Variants in SLCO5A1 observed in about 807,000 individuals in gnomAD.
The protein encoded by SLCO5A1 is organic anion transporter polypeptide-related protein 4.
In SLCO5A1, 39 loss-of-function variants were observed where a neutral mutation model predicts 65.1. The observed-to-expected ratio is 0.60, with a 90% CI of 0.46 to 0.78. The LOEUF (loss-of-function observed/expected upper bound fraction) is 0.78, where lower values mean the gene tolerates loss of function less well. SLCO5A1 is among the 30% of genes least tolerant of loss of function. The probability of loss-of-function intolerance (pLI) is 0.00; values close to 1 mark genes in which losing one functional copy is unlikely to be tolerated. For missense variants in SLCO5A1, 1,029 were observed against 1,069.4 expected (o/e 0.96, Z 0.53); for synonymous variants, 438 against 415.7 (o/e 1.05, Z -0.65).
At chr8:69,729,786 C>A (rs1435883660) in intron 5 of SLCO5A1, among the ~76,000 whole-genome samples, 1 of 152,052 alleles carries the variant, frequency 6.6e-6, no homozygotes, top group Non-Finnish European at 1.5e-5. Context: ...GTCTCCCGCC[C>A]CAGAAAGTTT....
At chr8:69,733,577 C>T (rs528488174) in intron 5 of SLCO5A1, among the ~76,000 whole-genome samples, 2 of 152,286 alleles carry the variant, frequency 1.3e-5, no homozygotes, top group Non-Finnish European at 2.9e-5. Flanking sequence ...TTGTAATCCC[C>T]GTAATCTCCA....
chr8:69,674,265 C>T (rs1563653361), intron 9 of SLCO5A1, among the ~76,000 whole-genome samples: 1 of 152,026 alleles, frequency 6.6e-6, no homozygotes, highest in Non-Finnish European at 1.5e-5. Context: ...CTTTGCATCC[C>T]AAAGACCTCA....
chr8:69,738,216 C>T lies in SLCO5A1; in HGVS notation c.1259-12G>A. The stretch of plus-strand genomic sequence containing the variant: ...TGCTCTTGGTAGGTCTACAAAATGA[C>T]AAAAATGACAAATGAATGTTATAAA... On this transcript the variant is annotated splice_polypyrimidine_tract_variant and intron_variant, in intron 4 of 9. Coordinates refer to ENST00000260126, the MANE Select transcript of SLCO5A1 (RefSeq NM_030958.3). The T allele has an allele frequency of 6.4e-7, 1 of 1,572,254 alleles. No homozygotes were observed. The highest frequency in any genetic ancestry group is 8.6e-7 in the Non-Finnish European group (1 of 1,156,202).
At chr8:69,766,815 T>A (rs1818079060) in intron 2 of SLCO5A1, among the ~76,000 whole-genome samples, 1 of 152,206 alleles carries the variant, frequency 6.6e-6, no homozygotes, top group East Asian at 1.9e-4. Context: ...GAGATGCTGG[T>A]CAGTGGTGCT....
chr8:69,814,450 C>A (rs1195038476), intron 2 of SLCO5A1, among the ~76,000 whole-genome samples: 1 of 151,890 alleles, frequency 6.6e-6, no homozygotes, highest in Admixed American at 6.6e-5. Context: ...TAGGGAAATG[C>A]AAATTAAAAC....
At chr8:69,821,449 GAGA>G (rs1163756092) in intron 2 of SLCO5A1, among the ~76,000 whole-genome samples, 1 of 151,142 alleles carries the variant, frequency 6.6e-6, no homozygotes, top group African/African-American at 2.4e-5. Context: ...GGAGGAGGAG[GAGA>G]AGGAGAGGGA....
chr8:69,738,473 C>T (rs1423348423), intron 4 of SLCO5A1, among the ~76,000 whole-genome samples: 1 of 151,720 alleles, frequency 6.6e-6, no homozygotes, highest in Admixed American at 6.6e-5. Context: ...ATAAGCAGTA[C>T]CCAACTGATA....
At chr8:69,788,188 A>C (rs1367276538) in intron 2 of SLCO5A1, among the ~76,000 whole-genome samples, 1 of 152,170 alleles carries the variant, frequency 6.6e-6, no homozygotes, top group Non-Finnish European at 1.5e-5. Flanking sequence ...TTACACACTA[A>C]CAATTACCCC....
chr8:69,737,658 C>T (rs1816614252), intron 5 of SLCO5A1, among the ~76,000 whole-genome samples: 1 of 152,142 alleles, frequency 6.6e-6, no homozygotes, highest in African/African-American at 2.4e-5. Context: ...ATCCTGCTAC[C>T]ATGAAACTGA....
chr8:69,834,216 CGCCCCTA>C (rs1432481670), intron 1 of SLCO5A1: 2 of 152,848 alleles, frequency 1.3e-5, no homozygotes, highest in East Asian at 3.9e-4. Context: ...GGTAAGACCC[CGCCCCTA>C]ATCTTGGGGA....
At chr8:69,784,860 A>AAAGGAAGG (rs1554620858) in intron 2 of SLCO5A1, among the ~76,000 whole-genome samples, 1 of 141,090 alleles carries the variant, frequency 7.1e-6, no homozygotes, top group African/African-American at 2.6e-5. Context: ...AGAAAGAAAG[A>AAAGGAAGG]AAGGGAAGGA....
chr8:69,676,573 G>A, intron 9 of SLCO5A1, 36 bp downstream of exon 9: 1 of 1,588,028 alleles, frequency 6.3e-7, no homozygotes, highest in South Asian at 1.1e-5. Context: ...CTGCAAAGAG[G>A]AACTAAGAGG....
chr8:69,794,279 G>T, intron 2 of SLCO5A1: 1 of 480,344 alleles, frequency 2.1e-6, no homozygotes. Context: ...TTGCTGAATG[G>T]GGAGAAGTTC....
At chr8:69,782,389 C>T (rs1208565620) in intron 2 of SLCO5A1, among the ~76,000 whole-genome samples, 1 of 151,910 alleles carries the variant, frequency 6.6e-6, no homozygotes, top group Non-Finnish European at 1.5e-5. Flanking sequence ...CAAGACCAGC[C>T]TGGGCAATAT....
chr8:69,776,542 T>C (rs1250671250), intron 2 of SLCO5A1, among the ~76,000 whole-genome samples: 2 of 151,862 alleles, frequency 1.3e-5, no homozygotes, highest in Admixed American at 1.3e-4. Flanking sequence ...ATACAAAAAT[T>C]AGCTGAGCAT....
intron 2 of SLCO5A1, among the ~76,000 whole-genome samples, chr8:69,764,778 G>A (rs1036138835): frequency 6.6e-6 from 1 of 152,114 alleles, no homozygotes; most frequent in African/African-American, 2.4e-5. Flanking sequence ...ACTGTAATGA[G>A]GCCAAAATGT....
chr8:69,704,590 G>T (rs896488999), intron 6 of SLCO5A1, among the ~76,000 whole-genome samples: 2 of 152,158 alleles, frequency 1.3e-5, no homozygotes, highest in South Asian at 2.1e-4. Context: ...AATGAAAGGG[G>T]TTACCTGTTT....
At chr8:69,728,794 A>C (rs1259669025) in intron 5 of SLCO5A1, among the ~76,000 whole-genome samples, 1 of 151,990 alleles carries the variant, frequency 6.6e-6, no homozygotes, top group African/African-American at 2.4e-5. Context: ...ATATAATATC[A>C]GAAAAGGTAA....
chr8:69,769,600 A>T lies in SLCO5A1; in HGVS notation c.908-7725T>A, dbSNP rs570164286. ...TCTCTAATAACTATTATTACATATTAATTTTGTATAGATAACATACATACA... is the reference window on the plus strand; with the variant it reads ...TCTCTAATAACTATTATTACATATTTATTTTGTATAGATAACATACATACA... On this transcript the variant is annotated intron_variant, in intron 2 of 9. Coordinates refer to ENST00000260126, the MANE Select transcript of SLCO5A1 (RefSeq NM_030958.3). Among the ~76,000 whole-genome samples, 125 of 152,330 alleles carry T rather than the reference A, an allele frequency of 8.2e-4. 2 individuals carry two copies. In the South Asian group the frequency reaches 0.025, roughly 31 times the overall value.
Sources: gnomAD v4.1 joint callset for allele counts (sites outside exome capture counted in the v4.1 genomes callset) on GRCh38, gnomAD v4.1.1 for gene constraint, MANE v1.5 for transcripts, NCBI Gene and HGNC (gene_info 2026-07-23, HGNC 2026-07-21) for gene names.